ZNF385D: variants seen among roughly 807,000 people sequenced by gnomAD.
ZNF385D encodes the protein zinc finger protein 659.
A neutral mutation model predicts 35.8 loss-of-function variants in ZNF385D; 15 were observed. The observed-to-expected ratio is 0.42, with a 90% CI of 0.28 to 0.64. The LOEUF (loss-of-function observed/expected upper bound fraction) is 0.64, where lower values mean the gene tolerates loss of function less well. Among genes scored for constraint, ZNF385D ranks in the 30% least tolerant of loss-of-function variants. The pLI, the probability that ZNF385D is intolerant of heterozygous loss-of-function variation, is 0.23. For missense variants in ZNF385D, 474 were observed against 494.6 expected (o/e 0.96, Z 0.39); for synonymous variants, 212 against 186.8 (o/e 1.13, Z -1.10).
intron 2 of ZNF385D, among the ~76,000 whole-genome samples, chr3:22,366,189 A>C (rs1403520929): frequency 6.6e-6 from 1 of 152,110 alleles, no homozygotes; most frequent in Non-Finnish European, 1.5e-5. Flanking sequence ...AAAGCAGTTT[A>C]ATCATACTTC....
chr3:21,679,696 G>A (rs9858604), intron 1 of ZNF385D, among the ~76,000 whole-genome samples: 9,778 of 151,998 alleles, frequency 0.064, 368 homozygotes, highest in East Asian at 0.13. Flanking sequence ...AAAAAGGAAG[G>A]GATGGAAGGA....
At chr3:21,474,027 T>C (rs745924708) in intron 4 of ZNF385D, among the ~76,000 whole-genome samples, 7 of 152,074 alleles carry the variant, frequency 4.6e-5, no homozygotes, top group Non-Finnish European at 1.0e-4. Flanking sequence ...TGTATATATA[T>C]GTATCTTATA....
At chr3:21,661,727 T>C (rs1358387086) in intron 2 of ZNF385D, among the ~76,000 whole-genome samples, 4 of 152,184 alleles carry the variant, frequency 2.6e-5, no homozygotes, top group Non-Finnish European at 5.9e-5. Context: ...TTGTGGCTCC[T>C]TAAAAGTTGG....
intron 2 of ZNF385D, among the ~76,000 whole-genome samples, chr3:22,212,054 A>C (rs78680994): frequency 6.6e-6 from 1 of 152,132 alleles, no homozygotes; most frequent in South Asian, 2.1e-4. Context: ...TGCAATAGGG[A>C]AAGTGTAGTA....
intron 1 of ZNF385D, among the ~76,000 whole-genome samples, chr3:21,735,058 T>G (rs76148694): frequency 0.12 from 18,994 of 152,132 alleles, 1,549 homozygotes; most frequent in Non-Finnish European, 0.19. Context: ...CCGGGAGGGA[T>G]CTTTGAATTC....
At chr3:22,311,911 G>A (rs1202328353) in intron 2 of ZNF385D, among the ~76,000 whole-genome samples, 1 of 152,046 alleles carries the variant, frequency 6.6e-6, no homozygotes, top group African/African-American at 2.4e-5. Context: ...CCTTTATTCT[G>A]ATGAAGAATG....
At chr3:21,803,191 G>C (rs1311206352) in intron 3 of ZNF385D, among the ~76,000 whole-genome samples, 12 of 152,100 alleles carry the variant, frequency 7.9e-5, no homozygotes, top group Admixed American at 7.9e-4. Flanking sequence ...AGGAACCTAA[G>C]GGTAGTCATC....
At chr3:21,665,385 T>C (rs1322876659) in intron 1 of ZNF385D, among the ~76,000 whole-genome samples, 1 of 149,002 alleles carries the variant, frequency 6.7e-6, no homozygotes, top group Non-Finnish European at 1.5e-5. Flanking sequence ...CATGCACCCA[T>C]CCCTCTTTGA....
At chr3:21,519,434 A>T (rs1289408334) in intron 3 of ZNF385D, among the ~76,000 whole-genome samples, 1 of 152,192 alleles carries the variant, frequency 6.6e-6, no homozygotes, top group East Asian at 1.9e-4. Context: ...ATGATATAGT[A>T]GAGAGTGCTT....
chr3:21,816,131 C>A (rs1055554925), intron 3 of ZNF385D, among the ~76,000 whole-genome samples: 3 of 152,202 alleles, frequency 2.0e-5, no homozygotes, highest in South Asian at 2.1e-4. Context: ...ATTCAACAGC[C>A]CTTCATGCTA....
chr3:22,359,805 A>C (rs1696331796), intron 2 of ZNF385D, among the ~76,000 whole-genome samples: 1 of 151,920 alleles, frequency 6.6e-6, no homozygotes, highest in Non-Finnish European at 1.5e-5. Flanking sequence ...CTAGTTATGA[A>C]ACATATATAA....
chr3:21,822,485 T>G lies in ZNF385D; in HGVS notation c.326-157457A>C, dbSNP rs377447220. ...ACGCATGATACTTTGCTGGTGGACA[T>G]GTAAAATCGTACAACAATTTTGCAA... On this transcript the variant is annotated intron_variant, in intron 3 of 5. Coordinates refer to the ZNF385D transcript ENST00000494108. Among the ~76,000 whole-genome samples the G allele has an allele frequency of 5.9e-5, 9 of 152,346 alleles. No homozygotes were observed. In the South Asian group the frequency reaches 1.9e-3, roughly 32 times the overall value.
At chr3:21,970,839 C>A (rs1703205798) in intron 3 of ZNF385D, among the ~76,000 whole-genome samples, 2 of 151,848 alleles carry the variant, frequency 1.3e-5, no homozygotes, top group African/African-American at 4.8e-5. Context: ...AAATAACATG[C>A]AATGGAGCTT....
At chr3:21,990,997 A>G (rs1576101534) in intron 3 of ZNF385D, among the ~76,000 whole-genome samples, 1 of 152,236 alleles carries the variant, frequency 6.6e-6, no homozygotes, top group African/African-American at 2.4e-5. Flanking sequence ...AGAATGGTAT[A>G]TCAAAGCTTC....
intron 3 of ZNF385D, among the ~76,000 whole-genome samples, chr3:21,971,680 TA>T (rs542462535): frequency 9.1e-4 from 117 of 129,168 alleles, no homozygotes; most frequent in East Asian, 8.8e-4. Flanking sequence ...GCTGAATGAA[TA>T]AAAAAAAAAA....
intron 2 of ZNF385D, among the ~76,000 whole-genome samples, chr3:22,175,343 G>A (rs1476135682): frequency 1.3e-5 from 2 of 151,850 alleles, no homozygotes; most frequent in Non-Finnish European, 2.9e-5. Flanking sequence ...GAAAAATACT[G>A]TACTCATGTC....
At chr3:22,098,061 G>C (rs886488076) in intron 3 of ZNF385D, among the ~76,000 whole-genome samples, 10 of 152,028 alleles carry the variant, frequency 6.6e-5, no homozygotes, top group African/African-American at 2.2e-4. Context: ...GAGTGTGTTG[G>C]CAGAAGAGGT....
In ZNF385D at chr3:21,730,893, T is replaced by C. The variant is rs574926571; in HGVS notation, c.22+20002A>G. 8.5e-5 allele frequency among the ~76,000 whole-genome samples: 13 copies of C among 152,314 alleles called. No individual in the cohort carries two copies. In the South Asian group the frequency reaches 2.7e-3, roughly 32 times the overall value. ...GTCATGGCTGCACCCTATTCCAGCA[T>C]TTTGGATGCATCATAATTTTACTTA... On this transcript the variant is annotated intron_variant, in intron 1 of 7. Coordinates refer to ENST00000281523, the MANE Select transcript of ZNF385D (RefSeq NM_024697.3).
At chr3:21,807,973 T>C (rs2072729492) in intron 3 of ZNF385D, among the ~76,000 whole-genome samples, 1 of 152,218 alleles carries the variant, frequency 6.6e-6, no homozygotes, top group Non-Finnish European at 1.5e-5. Flanking sequence ...GATTTTAATT[T>C]TGTGTTAGCT....
Sources: allele counts gnomAD v4.1 joint callset (sites outside exome capture counted in the v4.1 genomes callset), GRCh38; gene constraint gnomAD v4.1.1; transcripts MANE v1.5; gene names NCBI Gene and HGNC (gene_info 2026-07-23, HGNC 2026-07-21).